The following AUH variants were observed in gnomAD, a reference collection of about 807,000 sequenced individuals.
AUH encodes the protein AU RNA binding methylglutaconyl-CoA hydratase.
A neutral mutation model predicts 42.3 loss-of-function variants in AUH; 29 were observed. The ratio of observed to expected loss-of-function variants is 0.69; its 90% CI spans 0.51 to 0.93. The LOEUF is 0.93. Among genes scored for constraint, AUH ranks in the 40% least tolerant of loss-of-function variants. The pLI is 0.00. For synonymous variants in AUH, 174 were observed against 166.4 expected (o/e 1.05, Z -0.35); for missense variants, 452 against 438.1 (o/e 1.03, Z -0.28).
intron 6 of AUH, among the ~76,000 whole-genome samples, chr9:91,234,363 C>T (rs952759471): frequency 1.1e-4 from 16 of 152,164 alleles, no homozygotes; most frequent in Non-Finnish European, 1.5e-4. Context: ...AGGGCAGTGA[C>T]GTGCAGACCT....
intron 6 of AUH, among the ~76,000 whole-genome samples, chr9:91,266,771 C>T (rs1829999220): frequency 6.6e-6 from 1 of 152,082 alleles, no homozygotes; most frequent in Non-Finnish European, 1.5e-5. Context: ...TGTGTATGCC[C>T]CTATGACTGG....
chr9:91,348,364 A>G (rs1831696829), intron 3 of AUH, among the ~76,000 whole-genome samples: 1 of 152,224 alleles, frequency 6.6e-6, no homozygotes, highest in Admixed American at 6.5e-5. Context: ...AAAACTAAAC[A>G]CACAGGATAA....
rs765034801 is a variant in AUH, at chr9:91,272,515, AGCAGT to A, written c.655+23501_655+23505del. ...CTCCATTCGGCCCAGCAGAAATGGG[AGCAGT>A]GCCCAGCACCCTCCCACCTCTGTCT... On this transcript the variant is annotated intron_variant, in intron 6 of 9. Transcript: ENST00000375731. Among the ~76,000 whole-genome samples, 272 of 152,282 alleles carry A rather than the reference AGCAGT, an allele frequency of 1.8e-3. 5 individuals are homozygous for A. The highest frequency in any genetic ancestry group is 5.7e-4 in the Non-Finnish European group (39 of 68,024).
intron 6 of AUH, among the ~76,000 whole-genome samples, chr9:91,239,168 T>TA (rs1828358457): frequency 1.3e-5 from 2 of 151,332 alleles, no homozygotes; most frequent in South Asian, 2.1e-4. Context: ...TTTTTTTTTT[T>TA]ATCCTTCATC....
chr9:91,276,726 T>C (rs867184877), intron 6 of AUH, among the ~76,000 whole-genome samples: 11 of 152,224 alleles, frequency 7.2e-5, no homozygotes, highest in Middle Eastern at 3.4e-3. Context: ...ACTTACAACA[T>C]AGCACCATGG....
At chr9:91,232,274 G>A (rs1002433747) in intron 6 of AUH, among the ~76,000 whole-genome samples, 5 of 152,134 alleles carry the variant, frequency 3.3e-5, no homozygotes, top group Non-Finnish European at 1.5e-5. Context: ...TACGGAGGCT[G>A]AGGCAGGAGG....
chr9:91,268,324 C>T (rs552488486), intron 6 of AUH, among the ~76,000 whole-genome samples: 52 of 152,200 alleles, frequency 3.4e-4, no homozygotes, highest in African/African-American at 1.2e-3. Context: ...AAACTCATTC[C>T]AACATAACTC....
At chr9:91,317,753 TTG>T (rs1209629869) in intron 4 of AUH, among the ~76,000 whole-genome samples, 2 of 152,212 alleles carry the variant, frequency 1.3e-5, no homozygotes, top group African/African-American at 4.8e-5. Flanking sequence ...TAATATTTTA[TTG>T]TTAAGAAAGA....
chr9:91,289,481 A>G (rs1433437594), intron 6 of AUH, among the ~76,000 whole-genome samples: 1 of 152,242 alleles, frequency 6.6e-6, no homozygotes, highest in African/African-American at 2.4e-5. Flanking sequence ...CTGGCTGCTC[A>G]TACAAGCTTC....
At chr9:91,292,682 A>G (rs1307556579) in intron 6 of AUH, among the ~76,000 whole-genome samples, 1 of 152,112 alleles carries the variant, frequency 6.6e-6, no homozygotes, top group Admixed American at 6.5e-5. Context: ...TATTTGTGTA[A>G]TCCTTTAGGA....
chr9:91,245,822 C>T (rs1018109608), intron 6 of AUH, among the ~76,000 whole-genome samples: 2 of 152,146 alleles, frequency 1.3e-5, no homozygotes, highest in Non-Finnish European at 2.9e-5. Context: ...CCCTCTCCTC[C>T]CCTGTGTTCT....
intron 6 of AUH, among the ~76,000 whole-genome samples, chr9:91,251,985 G>C (rs964128442): frequency 1.3e-5 from 2 of 150,478 alleles, no homozygotes; most frequent in African/African-American, 4.9e-5. Context: ...TCTTTTTTTT[G>C]AGACGGAGTC....
In AUH at chr9:91,214,331, A is replaced by C. The variant is rs763212178; in HGVS notation, c.*17T>G. On this transcript the variant is annotated 3_prime_UTR_variant, in exon 10 of 10. Coordinates refer to ENST00000375731, the MANE Select transcript of AUH (RefSeq NM_001698.3). ...AGTACATTTATTACATTGGCATCTT[A>C]AGAATTTCTGTTCCTTTTATTCTCC... 1.6e-5 allele frequency: 25 copies of C among 1,589,954 alleles called. No individual in the cohort carries two copies. The highest frequency in any genetic ancestry group is 2.1e-5 in the Non-Finnish European group (24 of 1,162,122).
chr9:91,236,900 C>G (rs1341591992), intron 6 of AUH, among the ~76,000 whole-genome samples: 2 of 152,088 alleles, frequency 1.3e-5, no homozygotes, highest in Non-Finnish European at 2.9e-5. Flanking sequence ...CCAAAAGCTC[C>G]AATCAATTTC....
intron 6 of AUH, among the ~76,000 whole-genome samples, chr9:91,221,450 G>A (rs1053945246): frequency 6.6e-6 from 1 of 152,160 alleles, no homozygotes; most frequent in African/African-American, 2.4e-5. Flanking sequence ...CCTTTATGGC[G>A]AATACATTGT....
intron 9 of AUH, among the ~76,000 whole-genome samples, chr9:91,215,329 G>C (rs1297419328): frequency 6.6e-6 from 1 of 152,136 alleles, no homozygotes; most frequent in Non-Finnish European, 1.5e-5. Context: ...AAAATCTGCA[G>C]ATGCTCAAGT....
intron 6 of AUH, among the ~76,000 whole-genome samples, chr9:91,268,737 C>T (rs945709184): frequency 6.6e-6 from 1 of 151,538 alleles, no homozygotes; most frequent in African/African-American, 2.4e-5. Context: ...GCCCATAGAC[C>T]TATTTTTTAA....
At chr9:91,287,734 A>G (rs1826529411) in intron 6 of AUH, among the ~76,000 whole-genome samples, 1 of 152,160 alleles carries the variant, frequency 6.6e-6, no homozygotes, top group South Asian at 2.1e-4. Context: ...CTGGAAAAAC[A>G]AAATACAAAA....
intron 4 of AUH, among the ~76,000 whole-genome samples, chr9:91,308,382 C>A (rs530580684): frequency 6.6e-6 from 1 of 152,192 alleles, no homozygotes; most frequent in East Asian, 1.9e-4. Flanking sequence ...AAACTACATA[C>A]TGAACTATGA....
Sources: gnomAD v4.1 joint callset for allele counts (sites outside exome capture counted in the v4.1 genomes callset) on GRCh38, gnomAD v4.1.1 for gene constraint, MANE v1.5 for transcripts, NCBI Gene and HGNC (gene_info 2026-07-23, HGNC 2026-07-21) for gene names.